TMEM117: variants seen among roughly 807,000 people sequenced by gnomAD.
TMEM117 encodes the protein transmembrane protein 117.
Under a neutral mutation model 52.4 loss-of-function variants are expected in TMEM117, and 27 were observed. The observed-to-expected ratio is 0.51, with a 90% CI of 0.38 to 0.71. The LOEUF (loss-of-function observed/expected upper bound fraction) is 0.71, where lower values mean the gene tolerates loss of function less well. Among genes scored for constraint, TMEM117 ranks in the 30% least tolerant of loss-of-function variants. The pLI, the probability that TMEM117 is intolerant of heterozygous loss-of-function variation, is 0.00. For synonymous variants in TMEM117, 215 were observed against 206.3 expected (o/e 1.04, Z -0.36); for missense variants, 556 against 630.5 (o/e 0.88, Z 1.26).
At chr12:44,020,998 T>C (rs749864224) in intron 3 of TMEM117, among the ~76,000 whole-genome samples, 7 of 152,180 alleles carry the variant, frequency 4.6e-5, no homozygotes, top group Non-Finnish European at 7.3e-5. Context: ...TGAAGTAGTT[T>C]GTTAAAAATA....
At chr12:44,203,603 A>G (rs1181310468) in intron 4 of TMEM117, among the ~76,000 whole-genome samples, 1 of 152,118 alleles carries the variant, frequency 6.6e-6, no homozygotes. Context: ...TGAAATTTCC[A>G]GTTAACACTG....
intron 2 of TMEM117, among the ~76,000 whole-genome samples, chr12:43,925,254 T>G (rs374257082): frequency 6.6e-6 from 1 of 151,934 alleles, no homozygotes; most frequent in South Asian, 2.1e-4. Flanking sequence ...GAGGTGAGAC[T>G]CATTGAGGGC....
chr12:43,840,587 C>T (rs189139054), intron 1 of TMEM117, among the ~76,000 whole-genome samples: 2 of 152,274 alleles, frequency 1.3e-5, no homozygotes, highest in East Asian at 3.9e-4. Flanking sequence ...GGGAGCTTCT[C>T]TTTGTGAGTG....
At chr12:44,049,973 G>A (rs1010676204) in intron 3 of TMEM117, among the ~76,000 whole-genome samples, 2 of 152,290 alleles carry the variant, frequency 1.3e-5, no homozygotes, top group Admixed American at 1.3e-4. Flanking sequence ...AAAGCTAGCT[G>A]CAGTTAGTGT....
chr12:44,089,522 C>T (rs995296975), intron 3 of TMEM117, among the ~76,000 whole-genome samples: 2 of 152,112 alleles, frequency 1.3e-5, no homozygotes, highest in East Asian at 3.9e-4. Context: ...AAACAATGGC[C>T]CCTACCACCT....
chr12:44,074,006 T>C (rs1947343039), intron 3 of TMEM117, among the ~76,000 whole-genome samples: 1 of 152,228 alleles, frequency 6.6e-6, no homozygotes, highest in African/African-American at 2.4e-5. Flanking sequence ...TTGTGTTCTT[T>C]ATTTTTGTTG....
At chr12:44,302,421 AG>A (rs1161030539) in intron 6 of TMEM117, among the ~76,000 whole-genome samples, 1 of 152,174 alleles carries the variant, frequency 6.6e-6, no homozygotes, top group Non-Finnish European at 1.5e-5. Context: ...CCCCAGTGTC[AG>A]GAGTCTCTTG....
chr12:44,024,084 A>G (rs956714068), intron 3 of TMEM117, among the ~76,000 whole-genome samples: 2 of 152,220 alleles, frequency 1.3e-5, no homozygotes, highest in African/African-American at 4.8e-5. Flanking sequence ...CTAACATGGT[A>G]ACGTGAGATC....
At chr12:43,801,978 C>T in the TMEM117 span, among the ~76,000 whole-genome samples, 8 of 152,026 alleles carry the variant, frequency 5.3e-5, no homozygotes, top group Middle Eastern at 3.4e-3. Context: ...TGCAGTGAGC[C>T]GAAACTGCAC....
At chr12:44,328,472 C>T (rs748660186) in intron 6 of TMEM117, among the ~76,000 whole-genome samples, 3 of 152,100 alleles carry the variant, frequency 2.0e-5, no homozygotes, top group Non-Finnish European at 4.4e-5. Context: ...AAGTAAATAA[C>T]TCTACAAGAA....
chr12:44,079,055 A>G (rs1350935904), intron 3 of TMEM117, among the ~76,000 whole-genome samples: 1 of 151,976 alleles, frequency 6.6e-6, no homozygotes, highest in Non-Finnish European at 1.5e-5. Flanking sequence ...TCCTTTTTTT[A>G]TGGCTGCATA....
At chr12:44,080,258 G>T (rs1345471227) in intron 3 of TMEM117, among the ~76,000 whole-genome samples, 1 of 152,076 alleles carries the variant, frequency 6.6e-6, no homozygotes, top group Non-Finnish European at 1.5e-5. Flanking sequence ...GAGGCCTCAG[G>T]AAACTTACAA....
In TMEM117 at chr12:44,343,773, C is replaced by G. The variant is rs147363961; in HGVS notation, c.769-32822C>G. On this transcript the variant is annotated intron_variant, in intron 6 of 7. Transcript: ENST00000266534. ...ATAAAATGTTAAAATCAATTATATT[C>G]ATAGACGAAGGAATATTACAGTGAC... is the stretch of plus-strand genomic sequence containing the variant. Among the ~76,000 whole-genome samples, 279 of 152,216 alleles carry G rather than the reference C, an allele frequency of 1.8e-3. 5 individuals carry two copies. The highest frequency in any genetic ancestry group is 6.4e-3 in the African/African-American group (265 of 41,550).
chr12:44,263,412 T>A (rs1565650537), intron 5 of TMEM117: 1 of 152,170 alleles, frequency 6.6e-6, no homozygotes, highest in Non-Finnish European at 1.5e-5. Flanking sequence ...GGTGGGAGTA[T>A]AAATTAGTTC....
At chr12:43,932,589 G>C (rs1239229671) in intron 2 of TMEM117, among the ~76,000 whole-genome samples, 1 of 152,032 alleles carries the variant, frequency 6.6e-6, no homozygotes, top group Admixed American at 6.6e-5. Flanking sequence ...TCAAACTGTT[G>C]TGTGACTATT....
At chr12:44,201,358 G>C (rs1165476039) in intron 4 of TMEM117, among the ~76,000 whole-genome samples, 1 of 152,178 alleles carries the variant, frequency 6.6e-6, no homozygotes, top group Non-Finnish European at 1.5e-5. Context: ...TGTAGACATA[G>C]AGGACAGAGA....
At chr12:44,161,928 T>C (rs1948903874) in intron 4 of TMEM117, among the ~76,000 whole-genome samples, 1 of 152,098 alleles carries the variant, frequency 6.6e-6, no homozygotes, top group Non-Finnish European at 1.5e-5. Flanking sequence ...AGGTCAGATA[T>C]ATATGTTAGT....
intron 4 of TMEM117, among the ~76,000 whole-genome samples, chr12:44,184,198 T>C (rs1949245342): frequency 6.6e-6 from 1 of 151,800 alleles, no homozygotes; most frequent in African/African-American, 2.4e-5. Context: ...ATACAAAAAT[T>C]AGCCCAGTGT....
chr12:43,951,506 G>C (rs1342073830), intron 3 of TMEM117, among the ~76,000 whole-genome samples: 1 of 152,174 alleles, frequency 6.6e-6, no homozygotes, highest in East Asian at 1.9e-4. Context: ...GGGAGGTTTG[G>C]ACTGGGCAGA....
Sources: allele counts gnomAD v4.1 joint callset (sites outside exome capture counted in the v4.1 genomes callset), GRCh38; gene constraint gnomAD v4.1.1; transcripts MANE v1.5; gene names NCBI Gene and HGNC (gene_info 2026-07-23, HGNC 2026-07-21).